Variants in RNFT2 observed in about 807,000 individuals in gnomAD.
RNFT2 encodes the protein E3 ubiquitin-protein ligase RNFT2.
In RNFT2, 36 loss-of-function variants were observed where a neutral mutation model predicts 53.0. The ratio of observed to expected loss-of-function variants is 0.68; its 90% CI spans 0.52 to 0.90. RNFT2 has a LOEUF of 0.90. Among genes scored for constraint, RNFT2 ranks in the 40% least tolerant of loss-of-function variants. RNFT2 has a pLI of 0.00. For synonymous variants in RNFT2, 260 were observed against 253.2 expected (o/e 1.03, Z -0.26); for missense variants, 514 against 585.6 (o/e 0.88, Z 1.26).
intron 1 of RNFT2, among the ~76,000 whole-genome samples, chr12:116,739,822 G>A (rs1046312974): frequency 1.3e-5 from 2 of 152,212 alleles, no homozygotes; most frequent in Non-Finnish European, 1.5e-5. Flanking sequence ...TGATTGCACT[G>A]GGCAGCCGTT....
chr12:116,824,888 C>T (rs1249739033), intron 7 of RNFT2, among the ~76,000 whole-genome samples: 2 of 152,182 alleles, frequency 1.3e-5, no homozygotes, highest in Non-Finnish European at 2.9e-5. Flanking sequence ...ACAGTTCAGT[C>T]TATAGCACCA....
intron 4 of RNFT2, among the ~76,000 whole-genome samples, chr12:116,752,067 C>A (rs562100874): frequency 1.3e-5 from 2 of 151,910 alleles, no homozygotes; most frequent in African/African-American, 4.8e-5. Context: ...GAGAAAATAT[C>A]GGTCAGGTGT....
chr12:116,827,251 G>GAGAGA (rs1876392008), intron 7 of RNFT2, among the ~76,000 whole-genome samples: 1 of 151,166 alleles, frequency 6.6e-6, no homozygotes, highest in African/African-American at 2.4e-5. Flanking sequence ...AAGAAAGAAA[G>GAGAGA]GAGTGATTTA....
chr12:116,812,621 A>T lies in RNFT2; in HGVS notation c.883-21171A>T, dbSNP rs1017002441. Among the ~76,000 whole-genome samples the T allele has an allele frequency of 2.0e-5, 3 of 147,586 alleles. No homozygotes were observed. The Admixed American group carries it at 2.1e-4, about 10-fold the overall frequency. ...GCGATCTCAGCTCACTGCAACCTCC[A>T]CCTCCTGGGTTTAAACGGTTCTCCT... is the stretch of plus-strand genomic sequence containing the variant. On this transcript the variant is annotated intron_variant, in intron 7 of 10. Transcript: ENST00000257575.
At chr12:116,775,114 C>T (rs1873369767) in intron 6 of RNFT2, among the ~76,000 whole-genome samples, 1 of 151,736 alleles carries the variant, frequency 6.6e-6, no homozygotes. Flanking sequence ...TACAAAATTA[C>T]CCAGGTGTGG....
At chr12:116,759,969 C>T (rs1449772787) in intron 5 of RNFT2, among the ~76,000 whole-genome samples, 1 of 152,094 alleles carries the variant, frequency 6.6e-6, no homozygotes. Context: ...GAGGGAAGGA[C>T]CATCGGGTTG....
rs985276139 is a variant in RNFT2, at chr12:116,763,757, T to C, written c.628-3057T>C. Among the ~76,000 whole-genome samples the C allele has an allele frequency of 7.4e-5, 10 of 135,624 alleles. No individual in the cohort carries two copies. In the South Asian group the frequency reaches 7.8e-4, roughly 11 times the overall value. 89.0% of individuals were successfully genotyped at this position (135,624 alleles called of 152,430 possible). On this transcript the variant is annotated intron_variant, in intron 5 of 10. Coordinates refer to ENST00000257575, the MANE Select transcript of RNFT2 (RefSeq NM_001382266.1). ...TCGCGCCACTGCACTCCAGCCTGGGTGACAGAGCGAGACTCCATCTCAAAA... is the reference window on the plus strand; with the variant it reads ...TCGCGCCACTGCACTCCAGCCTGGGCGACAGAGCGAGACTCCATCTCAAAA...
At chr12:116,764,686 G>A (rs114587107) in intron 5 of RNFT2, among the ~76,000 whole-genome samples, 1,766 of 152,332 alleles carry the variant, frequency 0.012, 37 homozygotes, top group African/African-American at 0.041. Context: ...GAGTTCAGCA[G>A]TTCGAGACCA....
chr12:116,847,374 A>G (rs1877670714), intron 10 of RNFT2, among the ~76,000 whole-genome samples: 1 of 152,130 alleles, frequency 6.6e-6, no homozygotes, highest in African/African-American at 2.4e-5. Flanking sequence ...AAGTACTTTT[A>G]ACATGTTAAT....
chr12:116,835,012 G>A (rs1227672212), intron 8 of RNFT2, among the ~76,000 whole-genome samples: 1 of 151,926 alleles, frequency 6.6e-6, no homozygotes, highest in Non-Finnish European at 1.5e-5. Context: ...ACTATACCTG[G>A]CTAATTTTTG....
At chr12:116,829,419 G>C (rs1876518484) in intron 7 of RNFT2, among the ~76,000 whole-genome samples, 1 of 152,158 alleles carries the variant, frequency 6.6e-6, no homozygotes, top group Non-Finnish European at 1.5e-5. Flanking sequence ...GGACTGGTGG[G>C]AGTCAGGAGG....
chr12:116,742,700 T>G (rs1402429892), intron 3 of RNFT2, among the ~76,000 whole-genome samples: 1 of 152,140 alleles, frequency 6.6e-6, no homozygotes, highest in African/African-American at 2.4e-5. Flanking sequence ...CCCAACACTT[T>G]GGGAGACCAA....
intron 3 of RNFT2, among the ~76,000 whole-genome samples, chr12:116,743,775 G>T (rs1487682066): frequency 6.6e-6 from 1 of 152,120 alleles, no homozygotes; most frequent in African/African-American, 2.4e-5. Flanking sequence ...CCAGCACTGG[G>T]ACTGAGTTTT....
intron 10 of RNFT2, among the ~76,000 whole-genome samples, chr12:116,841,822 TATATATATATAA>T (rs1464741472): frequency 0.012 from 523 of 41,864 alleles, 16 homozygotes; most frequent in South Asian, 0.036. Flanking sequence ...TATATAAAAA[TATATATATATAA>T]ATATATATAT....
chr12:116,776,038 C>G (rs1004377585), intron 6 of RNFT2, among the ~76,000 whole-genome samples: 23 of 143,252 alleles, frequency 1.6e-4, no homozygotes, highest in African/African-American at 6.0e-4. Context: ...GCGAGACTCT[C>G]AAAAAAAAAA....
chr12:116,750,065 A>AG lies in RNFT2; in HGVS notation c.314dup (p.Ala106ArgfsTer77). 2 of 1,545,130 alleles carry AG rather than the reference A, an allele frequency of 1.3e-6. No homozygotes were observed. Among genetic ancestry groups the AG allele is most frequent in the South Asian group, 1.2e-5 (1 of 84,232 alleles). ...AGGGAGGAAGGAGGGGGCCGGGGCGAGGGGGGCGCCTACCACCACCGCCAG... is the reference window on the plus strand; with the variant it reads ...AGGGAGGAAGGAGGGGGCCGGGGCGAGGGGGGGCGCCTACCACCACCGCCAG... On this transcript the variant is annotated frameshift_variant, in exon 4 of 11. Transcript: ENST00000257575. LOFTEE classifies it high-confidence loss of function.
At chr12:116,772,879 A>G (rs1279542334) in intron 6 of RNFT2, among the ~76,000 whole-genome samples, 1 of 152,158 alleles carries the variant, frequency 6.6e-6, no homozygotes, top group African/African-American at 2.4e-5. Flanking sequence ...CCCAGGTTGG[A>G]GTGCAGTGGC....
chr12:116,849,190 CG>C (rs2137229378), intron 10 of RNFT2, 123 bp from the exon 11 acceptor site: 1 of 682,102 alleles, frequency 1.5e-6, no homozygotes, highest in East Asian at 2.8e-5. Flanking sequence ...GTCTCCCCAA[CG>C]CGAGTGCAGG....
intron 6 of RNFT2, 62 bp downstream of exon 6, chr12:116,766,976 C>T (rs1566074961): frequency 1.6e-5 from 19 of 1,153,924 alleles, no homozygotes; most frequent in East Asian, 2.6e-5. Context: ...GCTTGGGGCA[C>T]GTACCCTTTC....
Sources: gnomAD v4.1 joint callset for allele counts (sites outside exome capture counted in the v4.1 genomes callset) on GRCh38, gnomAD v4.1.1 for gene constraint, MANE v1.5 for transcripts, NCBI Gene and HGNC (gene_info 2026-07-23, HGNC 2026-07-21) for gene names.